Variants in RFX2 observed in about 807,000 individuals in gnomAD.
RFX2 encodes DNA-binding protein RFX2.
Under a neutral mutation model 87.8 loss-of-function variants are expected in RFX2, and 20 were observed. The observed-to-expected ratio is 0.23, with a 90% CI of 0.16 to 0.33. The LOEUF (loss-of-function observed/expected upper bound fraction) is 0.33. Ranked by LOEUF, RFX2 falls within the 10% of genes least tolerant of loss-of-function variation. The probability of loss-of-function intolerance (pLI) is 1.00; values close to 1 mark genes in which losing one functional copy is unlikely to be tolerated. For synonymous variants in RFX2, 397 were observed against 431.3 expected (o/e 0.92, Z 0.98); for missense variants, 767 against 1,012.3 (o/e 0.76, Z 3.29).
rs1480307971 is a variant in RFX2, at chr19:6,110,264, G to C, written c.-9+129C>G. The C allele has an allele frequency of 6.6e-6, 1 of 151,610 alleles. No individual in the cohort carries two copies. Among genetic ancestry groups the C allele is most frequent in the Non-Finnish European group, 1.5e-5 (1 of 67,850 alleles). The allele number at this position is 151,610 out of a possible 1,614,324, so 9.4% of individuals were successfully genotyped here. ...ACGGGGTGGCGGAGGCGGGTCCCGCGGGCGCACCACCCGGACGTTTGGGGT... is the reference window on the plus strand; with the variant it reads ...ACGGGGTGGCGGAGGCGGGTCCCGCCGGCGCACCACCCGGACGTTTGGGGT... On this transcript the variant is annotated intron_variant, in intron 1 of 17. Coordinates refer to ENST00000303657, the MANE Select transcript of RFX2 (RefSeq NM_000635.4). The surrounding 1 kb of genome is among the most constrained non-coding windows in gnomAD (Gnocchi z 4.3).
chr19:6,046,867 G>A (rs1260681510), intron 2 of RFX2, among the ~76,000 whole-genome samples: 1 of 151,534 alleles, frequency 6.6e-6, no homozygotes. Flanking sequence ...AGGCTCAGGT[G>A]ATCCTCCCAT....
At chr19:6,046,196 A>G (rs2087187444) in intron 2 of RFX2, among the ~76,000 whole-genome samples, 1 of 152,214 alleles carries the variant, frequency 6.6e-6, no homozygotes, top group Non-Finnish European at 1.5e-5. Flanking sequence ...GGAGCAGAGA[A>G]AGCCTGAATG....
intron 1 of RFX2, among the ~76,000 whole-genome samples, chr19:6,104,963 C>T (rs2088190779): frequency 6.6e-6 from 1 of 151,664 alleles, no homozygotes; most frequent in African/African-American, 2.4e-5. Context: ...ACTAAAAATA[C>T]AACAATTAGC....
In RFX2 at chr19:6,064,302, T is replaced by C. The variant is rs1008563009; in HGVS notation, c.-8-16798A>G. 6.6e-6 allele frequency among the ~76,000 whole-genome samples: 1 copy of C among 152,168 alleles called. No individual in the cohort carries two copies. Among genetic ancestry groups the C allele is most frequent in the Non-Finnish European group, 1.5e-5 (1 of 68,022 alleles). On this transcript the variant is annotated intron_variant, in intron 1 of 17. Coordinates refer to ENST00000303657, the MANE Select transcript of RFX2 (RefSeq NM_000635.4). The surrounding 1 kb of genome is among the most constrained non-coding windows in gnomAD (Gnocchi z 4.8). ...AAGCGGCTTCCTAAGGCATCATGCT[T>C]TTGTGTTCTCCTTCTCTTACCAGCC...
At chr19:6,105,764 G>A (rs2088207004) in intron 1 of RFX2, among the ~76,000 whole-genome samples, 1 of 152,110 alleles carries the variant, frequency 6.6e-6, no homozygotes, top group South Asian at 2.1e-4. Flanking sequence ...TTTGCTGATG[G>A]CTTGGGAGAG....
intron 1 of RFX2, among the ~76,000 whole-genome samples, chr19:6,088,289 G>A (rs752803400): frequency 2.8e-5 from 4 of 144,228 alleles, no homozygotes; most frequent in East Asian, 2.0e-4. Flanking sequence ...GCGTGATCTC[G>A]GCTCACTGCA....
rs1294601174 is a variant in RFX2, at chr19:6,021,700, G to A, written c.597+4463C>T. Among the ~76,000 whole-genome samples the A allele has an allele frequency of 2.6e-5, 4 of 152,258 alleles. No individual in the cohort carries two copies. Among genetic ancestry groups the A allele is most frequent in the African/African-American group, 9.6e-5 (4 of 41,464 alleles). ...GCCCGTGTGGCTGGAGCACAGTGAGGAGTGGGAGAGAGCGGGTCCTGCAGG... is the reference window on the plus strand; with the variant it reads ...GCCCGTGTGGCTGGAGCACAGTGAGAAGTGGGAGAGAGCGGGTCCTGCAGG... On this transcript the variant is annotated intron_variant, in intron 6 of 17. Coordinates refer to ENST00000303657, the MANE Select transcript of RFX2 (RefSeq NM_000635.4). This position sits in a 1 kb window ranked among gnomAD's most constrained non-coding sequence, Gnocchi z 5.7.
intron 12 of RFX2, among the ~76,000 whole-genome samples, chr19:6,005,309 G>C (rs1457614425): frequency 1.3e-5 from 2 of 152,226 alleles, no homozygotes; most frequent in African/African-American, 2.4e-5. Flanking sequence ...ACAGGACGGA[G>C]AGCTGCCTGG....
chr19:6,058,200 C>G (rs1320856640), intron 1 of RFX2, among the ~76,000 whole-genome samples: 1 of 152,208 alleles, frequency 6.6e-6, no homozygotes, highest in African/African-American at 2.4e-5. Flanking sequence ...CTGAGCACTG[C>G]AGGGTGCTGA....
intron 5 of RFX2, among the ~76,000 whole-genome samples, chr19:6,034,305 T>G (rs1351306093): frequency 6.6e-6 from 1 of 151,228 alleles, no homozygotes; most frequent in Non-Finnish European, 1.5e-5. Flanking sequence ...CTTGGCTCAC[T>G]GCAACCTCCG....
chr19:6,104,695 C>G (rs1247775963), intron 1 of RFX2, among the ~76,000 whole-genome samples: 1 of 152,154 alleles, frequency 6.6e-6, no homozygotes, highest in Non-Finnish European at 1.5e-5. Flanking sequence ...GTGTGAGCCA[C>G]CACACCCAAT....
At position 5,997,036 on chromosome 19, in the gene RFX2, C is replaced by G. The variant is rs745389653; in HGVS notation, c.2013+24G>C. Reference sequence around the variant, plus strand: ...CCCACAGGCCCGGCCAAGCCCCGGCCGTCCCACCCAGGAGGGTCCTCACCT... The same window carrying G: ...CCCACAGGCCCGGCCAAGCCCCGGCGGTCCCACCCAGGAGGGTCCTCACCT... On this transcript the variant is annotated intron_variant, in intron 16 of 17. Transcript: ENST00000303657. This position sits in a 1 kb window ranked among gnomAD's most constrained non-coding sequence, Gnocchi z 4.2. The G allele has an allele frequency of 5.6e-6, 9 of 1,594,878 alleles. No homozygotes were observed. Among genetic ancestry groups the G allele is most frequent in the Non-Finnish European group, 7.7e-6 (9 of 1,172,756 alleles).
intron 1 of RFX2, among the ~76,000 whole-genome samples, chr19:6,096,532 C>T (rs1282970003): frequency 1.3e-5 from 2 of 152,036 alleles, no homozygotes; most frequent in African/African-American, 2.4e-5. Context: ...CTGCAAGCTC[C>T]GCCCCCCGGG....
rs2086689902 is a variant in RFX2 at position 6,013,749 on chromosome 19, A to C, written c.780-644T>G. Among the ~76,000 whole-genome samples, 2 of 152,020 alleles carry C rather than the reference A, an allele frequency of 1.3e-5. No individual in the cohort carries two copies. The highest frequency in any genetic ancestry group is 4.8e-5 in the African/African-American group (2 of 41,378). On this transcript the variant is annotated intron_variant, in intron 7 of 17. Coordinates refer to ENST00000303657, the MANE Select transcript of RFX2 (RefSeq NM_000635.4). The surrounding 1 kb of genome is among the most constrained non-coding windows in gnomAD (Gnocchi z 4.1). ...CGTGTGCCACCACACTCGGATCTTG[A>C]CCTTTCACTTTGGCCTCTCTGGTTC...
At position 6,040,337 on chromosome 19, in the gene RFX2, C is replaced by T. The variant is rs2144763572; in HGVS notation, c.261-96G>A. The stretch of plus-strand genomic sequence containing the variant: ...CCAGCCAAACATCACGTAAAAGCTG[C>T]AACCCAGAGAGGCCAGACATATGGA... On this transcript the variant is annotated intron_variant, in intron 4 of 17. Coordinates refer to ENST00000303657, the MANE Select transcript of RFX2 (RefSeq NM_000635.4). This position sits in a 1 kb window ranked among gnomAD's most constrained non-coding sequence, Gnocchi z 6.1. The T allele has an allele frequency of 7.4e-7, 1 of 1,345,598 alleles. No homozygotes were observed. The highest frequency in any genetic ancestry group is 2.5e-4 in the Middle Eastern group (1 of 4,064). 83.4% of individuals were successfully genotyped at this position (1,345,598 alleles called of 1,614,324 possible). A position where few individuals can be genotyped will look rare whatever the true frequency, so the allele number is the denominator to read the frequency against.
At chr19:6,042,880 T>C (rs1486191025) in intron 3 of RFX2, among the ~76,000 whole-genome samples, 1 of 152,232 alleles carries the variant, frequency 6.6e-6, no homozygotes, top group African/African-American at 2.4e-5. Flanking sequence ...AGAGGGCATC[T>C]TAGTGGCTGT....
intron 1 of RFX2, among the ~76,000 whole-genome samples, chr19:6,105,760 G>A (rs1385079891): frequency 6.6e-6 from 1 of 152,120 alleles, no homozygotes; most frequent in Non-Finnish European, 1.5e-5. Flanking sequence ...AGGATTTGCT[G>A]ATGGCTTGGG....
At chr19:6,078,755 A>T (rs577058823) in intron 1 of RFX2, among the ~76,000 whole-genome samples, 1 of 152,318 alleles carries the variant, frequency 6.6e-6, no homozygotes, top group Admixed American at 6.5e-5. Context: ...CCTTCCCAGG[A>T]GAATGTTACT....
intron 1 of RFX2, among the ~76,000 whole-genome samples, chr19:6,104,836 A>G (rs1236506102): frequency 6.6e-6 from 1 of 151,988 alleles, no homozygotes; most frequent in East Asian, 1.9e-4. Flanking sequence ...CTGGGGATAT[A>G]GAAGTTAATA....
Sources: gnomAD v4.1 joint callset for allele counts (sites outside exome capture counted in the v4.1 genomes callset) on GRCh38, gnomAD v4.1.1 for gene constraint, Gnocchi (gnomAD v3.1) non-coding constraint, MANE v1.5 for transcripts, NCBI Gene and HGNC (gene_info 2026-07-23, HGNC 2026-07-21) for gene names.